MTHFD1: variants seen among roughly 807,000 people sequenced by gnomAD.
MTHFD1 encodes the protein C-1-tetrahydrofolate synthase, cytoplasmic.
A neutral mutation model predicts 110.3 loss-of-function variants in MTHFD1; 44 were observed. That is an observed-to-expected ratio of 0.40 (90% CI 0.31 to 0.51). The LOEUF (loss-of-function observed/expected upper bound fraction) is 0.51. MTHFD1 is among the 20% of genes least tolerant of loss of function. The pLI, the probability that MTHFD1 is intolerant of heterozygous loss-of-function variation, is 0.60. For synonymous variants in MTHFD1, 402 were observed against 428.8 expected, an observed-to-expected ratio of 0.94 and a Z score of 0.77; for missense variants, 909 against 1,173.1, an observed-to-expected ratio of 0.77 and a Z score of 3.29.
chr14:64,456,671 T>C (rs957642395), intron 26 of MTHFD1, among the ~76,000 whole-genome samples: 52 of 152,204 alleles, frequency 3.4e-4, no homozygotes, highest in Admixed American at 6.5e-4. Context: ...GGACCCATCC[T>C]TTCCTCTCTC....
At chr14:64,388,539 A>G in intron 1 of MTHFD1, 71 bp downstream of exon 1, 1 of 1,462,146 alleles carries the variant, frequency 6.8e-7, no homozygotes, top group Non-Finnish European at 9.6e-7. Flanking sequence ...GGTCCCCCGG[A>G]CCCATTTTTT....
chr14:64,418,602 G>C (rs561598280), intron 7 of MTHFD1, among the ~76,000 whole-genome samples: 7 of 151,798 alleles, frequency 4.6e-5, no homozygotes, highest in Admixed American at 2.6e-4. Flanking sequence ...TGTTGCCCAG[G>C]CTGGAGTGCA....
rs768985677 is a variant in MTHFD1 at position 64,431,787 on chromosome 14, G to A, written c.1420G>A (p.Ala474Thr). ...TTAAAGCCCCTTTCTTTTCTTTAAG[G>A]CTCTCTTTAATCGTTTGGTGCCATC... ...IFHELTQTDK[A>T]LFNRLVPSVN... The change falls in exon 15 of 28, where the codon GCT becomes ACT. Residue 474 changes from alanine (A) to threonine (T), a missense_variant and splice_region_variant. Transcript: ENST00000652337. 1.2e-5 allele frequency: 19 copies of A among 1,613,944 alleles called. No individual in the cohort carries two copies. The highest frequency in any genetic ancestry group is 4.0e-5 in the African/African-American group (3 of 74,926).
At chr14:64,398,204 T>C (rs2077872128) in intron 1 of MTHFD1, among the ~76,000 whole-genome samples, 1 of 152,158 alleles carries the variant, frequency 6.6e-6, no homozygotes, top group South Asian at 2.1e-4. Flanking sequence ...TTTTGAGCTA[T>C]ATTATTGTAG....
chr14:64,436,082 G>A (rs193285834), intron 16 of MTHFD1, among the ~76,000 whole-genome samples: 163 of 151,830 alleles, frequency 1.1e-3, no homozygotes, highest in Non-Finnish European at 1.9e-3. Flanking sequence ...TTTTTCTGTA[G>A]TTCTCTAGCT....
At chr14:64,440,592 T>C (rs999999622) in intron 18 of MTHFD1, 1 of 376,358 alleles carries the variant, frequency 2.7e-6, no homozygotes, top group African/African-American at 2.1e-5. Flanking sequence ...TCTTTGTTGC[T>C]AGGTAGTTCA....
At chr14:64,441,139 C>G (rs1339409932) in intron 18 of MTHFD1, 1 of 450,620 alleles carries the variant, frequency 2.2e-6, no homozygotes, top group Admixed American at 2.9e-5. Context: ...TTGCAGTGAG[C>G]CGAGATTGCA....
At chr14:64,458,759 G>A (rs2078515863) in intron 27 of MTHFD1, 1 of 207,122 alleles carries the variant, frequency 4.8e-6, no homozygotes, top group African/African-American at 2.3e-5. Flanking sequence ...AAGGAAACAG[G>A]ACCAATCTGG....
At chr14:64,405,269 GT>G (rs920500236) in intron 2 of MTHFD1, among the ~76,000 whole-genome samples, 2 of 151,910 alleles carry the variant, frequency 1.3e-5, no homozygotes, top group East Asian at 1.9e-4. Context: ...CATTGGGGGT[GT>G]TTTTTTTCCT....
intron 2 of MTHFD1, among the ~76,000 whole-genome samples, chr14:64,410,170 T>G (rs2077970964): frequency 6.6e-6 from 1 of 152,208 alleles, no homozygotes; most frequent in South Asian, 2.1e-4. Context: ...AGACACTGCA[T>G]GGTGGTTCAA....
At chr14:64,444,825 T>TCACAGCAA in intron 22 of MTHFD1, 91 bp downstream of exon 22, 6 of 1,435,712 alleles carry the variant, frequency 4.2e-6, no homozygotes, top group Non-Finnish European at 5.9e-6. Context: ...AATGAATGGG[T>TCACAGCAA]TATTGCTGTG....
chr14:64,459,701 C>T, intron 27 of MTHFD1, 58 bp from the exon 28 acceptor site: 6 of 1,391,952 alleles, frequency 4.3e-6, no homozygotes, highest in Non-Finnish European at 5.7e-6. Context: ...ATGGAAGGAA[C>T]AGGAAACATT....
At chr14:64,414,351 G>T (rs1462933794) in intron 4 of MTHFD1, among the ~76,000 whole-genome samples, 7 of 137,414 alleles carry the variant, frequency 5.1e-5, no homozygotes, top group Non-Finnish European at 7.6e-5. Flanking sequence ...GGATGCAGTG[G>T]CATGATCTCA....
rs1002999874 is a variant in MTHFD1, at chr14:64,449,284, C to G, written c.2280-161C>G. On this transcript the variant is annotated intron_variant, in intron 23 of 27. Transcript: ENST00000652337. ...GATTAGGTAACTGGCCAAAAGTCACCAGCTAGTAAGTTTCGGAGCTGAGAT... is the reference window on the plus strand; with the variant it reads ...GATTAGGTAACTGGCCAAAAGTCACGAGCTAGTAAGTTTCGGAGCTGAGAT... 10 of 767,868 alleles carry G rather than the reference C, an allele frequency of 1.3e-5. No individual in the cohort carries two copies. The Admixed American group carries it at 1.6e-4, about 12-fold the overall frequency. 47.6% of individuals were successfully genotyped at this position (767,868 alleles called of 1,614,324 possible). A position where few individuals can be genotyped will look rare whatever the true frequency, so the allele number is the denominator to read the frequency against.
At chr14:64,409,019 C>T (rs892591903) in intron 2 of MTHFD1, among the ~76,000 whole-genome samples, 1 of 152,136 alleles carries the variant, frequency 6.6e-6, no homozygotes, top group African/African-American at 2.4e-5. Context: ...GATGTCTTTT[C>T]CAATAAAACT....
intron 18 of MTHFD1, chr14:64,440,491 T>A (rs771876906): frequency 1.0e-4 from 61 of 594,608 alleles, no homozygotes; most frequent in Non-Finnish European, 1.5e-4. Flanking sequence ...AAGTTCCAGA[T>A]GATTTGAGTA....
At chr14:64,459,677 G>A in intron 27 of MTHFD1, 82 bp from the exon 28 acceptor site, 1 of 1,195,494 alleles carries the variant, frequency 8.4e-7, no homozygotes, top group South Asian at 1.5e-5. Flanking sequence ...AATGTGAGTG[G>A]GTAATGGTGC....
At chr14:64,415,809 A>AGAG (rs779493859) in intron 6 of MTHFD1, 70 bp downstream of exon 6, 13 of 1,463,158 alleles carry the variant, frequency 8.9e-6, no homozygotes, top group Non-Finnish European at 1.2e-5. Context: ...GTGGTGGCAT[A>AGAG]GAGGAGGTAC....
At chr14:64,405,964 C>T (rs1203872683) in intron 2 of MTHFD1, among the ~76,000 whole-genome samples, 1 of 150,904 alleles carries the variant, frequency 6.6e-6, no homozygotes, top group Non-Finnish European at 1.5e-5. Context: ...TCATTATATA[C>T]CTTATACTTG....
Sources: gnomAD v4.1 joint callset for allele counts (sites outside exome capture counted in the v4.1 genomes callset) on GRCh38, gnomAD v4.1.1 for gene constraint, MANE v1.5 for transcripts, NCBI Gene and HGNC (gene_info 2026-07-23, HGNC 2026-07-21) for gene names.